AGBL1: variants seen among roughly 807,000 people sequenced by gnomAD.
AGBL1 encodes the protein AGBL carboxypeptidase 1.
A neutral mutation model predicts 118.9 loss-of-function variants in AGBL1; 130 were observed. The observed-to-expected ratio is 1.09, with a 90% CI of 0.95 to 1.26. The LOEUF (loss-of-function observed/expected upper bound fraction) is 1.26, where lower values mean the gene tolerates loss of function less well. Among genes scored for constraint, AGBL1 ranks in the 50% most tolerant of loss-of-function variants. The pLI, the probability that AGBL1 is intolerant of heterozygous loss-of-function variation, is 0.00. For synonymous variants in AGBL1, 555 were observed against 478.9 expected (o/e 1.16, Z -2.08); for missense variants, 1,584 against 1,298.1 (o/e 1.22, Z -3.38).
chr15:86,705,612 A>T (rs2086436142), intron 22 of AGBL1, among the ~76,000 whole-genome samples: 1 of 152,164 alleles, frequency 6.6e-6, no homozygotes, highest in Admixed American at 6.5e-5. Flanking sequence ...GCTAGTGGTT[A>T]TGGGGATGTA....
intron 18 of AGBL1, among the ~76,000 whole-genome samples, chr15:86,511,927 T>C (rs373131959): frequency 6.6e-6 from 1 of 152,040 alleles, no homozygotes; most frequent in South Asian, 2.1e-4. Flanking sequence ...TATAAATAAA[T>C]GTAGAGAATA....
chr15:86,671,679 CACA>C (rs769440983), intron 21 of AGBL1, among the ~76,000 whole-genome samples: 7 of 152,108 alleles, frequency 4.6e-5, no homozygotes, highest in Admixed American at 3.9e-4. Flanking sequence ...TTTTAATGCT[CACA>C]ACATTTGACA....
intron 22 of AGBL1, among the ~76,000 whole-genome samples, chr15:86,740,809 A>G (rs1227346702): frequency 6.6e-6 from 1 of 152,194 alleles, no homozygotes; most frequent in Non-Finnish European, 1.5e-5. Flanking sequence ...TTTTAATACA[A>G]TGATAAGGTA....
In AGBL1 at chr15:86,553,611, T is replaced by G. The variant is rs8035798; in HGVS notation, c.2818-750T>G. Among the ~76,000 whole-genome samples, 1,355 of 152,280 alleles carry G rather than the reference T, an allele frequency of 8.9e-3. 21 individuals are homozygous for G. Among genetic ancestry groups the G allele is most frequent in the African/African-American group, 0.03 (1,264 of 41,540 alleles). ...ATCATCACTGGCCCCTTTGGCCTTG[T>G]GAAATAAGTGAACAGTCCCTAGTCT... On this transcript the variant is annotated intron_variant, in intron 20 of 22. Coordinates refer to ENST00000614907, the MANE Select transcript of AGBL1 (RefSeq NM_001386094.1).
At chr15:86,121,145 G>A (rs1003482807) in intron 1 of AGBL1, among the ~76,000 whole-genome samples, 4 of 152,110 alleles carry the variant, frequency 2.6e-5, no homozygotes, top group Admixed American at 6.6e-5. Context: ...TGATCTGCCC[G>A]CCTCAATCTC....
At position 86,854,964 on chromosome 15, in the gene AGBL1, A is replaced by AC. The variant is rs529497875; in HGVS notation, c.3159-52116dup. ...ATCTTATATAGTTGTGATTTGCTACACCCCCCCACTGGTCCTAGTTTAGTG... is the reference window on the plus strand; with the variant it reads ...ATCTTATATAGTTGTGATTTGCTACACCCCCCCCACTGGTCCTAGTTTAGTG... On this transcript the variant is annotated intron_variant, in intron 22 of 22. Transcript: ENST00000614907. Among the ~76,000 whole-genome samples the AC allele has an allele frequency of 8.6e-5, 13 of 151,884 alleles. No individual in the cohort carries two copies. The East Asian group carries it at 1.7e-3, about 20-fold the overall frequency.
intron 22 of AGBL1, among the ~76,000 whole-genome samples, chr15:86,817,350 C>T (rs1030152124): frequency 6.7e-6 from 1 of 150,004 alleles, no homozygotes; most frequent in African/African-American, 2.5e-5. Flanking sequence ...TCTAAATGCT[C>T]ATCACATTTG....
intron 17 of AGBL1, among the ~76,000 whole-genome samples, chr15:86,306,599 A>G (rs1271419409): frequency 6.6e-6 from 1 of 152,152 alleles, no homozygotes; most frequent in Non-Finnish European, 1.5e-5. Context: ...GATCTTAGCT[A>G]TTGTAAAAAC....
intron 24 of AGBL1, chr15:87,028,787 C>T (rs2081759254): frequency 6.3e-7 from 1 of 1,591,558 alleles, no homozygotes; most frequent in Non-Finnish European, 8.6e-7. Flanking sequence ...TACACGGCTT[C>T]AAGCATAGTA....
chr15:86,228,674 T>C (rs920736177), intron 6 of AGBL1, among the ~76,000 whole-genome samples: 3 of 152,194 alleles, frequency 2.0e-5, no homozygotes, highest in Non-Finnish European at 4.4e-5. Flanking sequence ...AAGGGAAAGA[T>C]CACCTGCATT....
rs1026148021 is a variant in AGBL1, at chr15:86,915,338, C to T, written c.*8044C>T. ...CATGGTCTTAAGGATAAAATGCAGA[C>T]AGGACCTAGTGCTTGAGCCTTTTCA... On this transcript the variant is annotated 3_prime_UTR_variant, in exon 23 of 23. Transcript: ENST00000614907. The T allele has an allele frequency of 1.3e-5, 2 of 152,198 alleles. No individual in the cohort carries two copies. The highest frequency in any genetic ancestry group is 2.9e-5 in the Non-Finnish European group (2 of 68,038). 9.4% of individuals were successfully genotyped at this position (152,198 alleles called of 1,614,324 possible).
At chr15:86,548,959 A>G (rs1310539977) in intron 20 of AGBL1, among the ~76,000 whole-genome samples, 6 of 152,118 alleles carry the variant, frequency 3.9e-5, no homozygotes, top group Non-Finnish European at 8.8e-5. Flanking sequence ...TGGTGAGAAC[A>G]GAGCCAGGAA....
rs1426445441 is a variant in AGBL1, at chr15:86,532,972, A to G, written c.2685+10033A>G. On this transcript the variant is annotated intron_variant, in intron 19 of 22. Coordinates refer to ENST00000614907, the MANE Select transcript of AGBL1 (RefSeq NM_001386094.1). Reference sequence around the variant, plus strand: ...TACAAAAATCAATTCAAGATGGATTAAAGATTTAAACGTTAGACCTAAAAC... The same window carrying G: ...TACAAAAATCAATTCAAGATGGATTGAAGATTTAAACGTTAGACCTAAAAC... Among the ~76,000 whole-genome samples, 286 of 103,116 alleles carry G rather than the reference A, an allele frequency of 2.8e-3. 4 individuals carry two copies. Among genetic ancestry groups the G allele is most frequent in the African/African-American group, 0.01 (213 of 20,990 alleles). 67.6% of individuals were successfully genotyped at this position (103,116 alleles called of 152,430 possible).
intron 20 of AGBL1, among the ~76,000 whole-genome samples, chr15:86,547,957 A>G (rs1485637513): frequency 6.6e-6 from 1 of 152,130 alleles, no homozygotes; most frequent in Non-Finnish European, 1.5e-5. Context: ...TTGGGGTCCC[A>G]CATAGTATAT....
chr15:86,120,735 G>A (rs1302523307), intron 1 of AGBL1, among the ~76,000 whole-genome samples: 1 of 152,122 alleles, frequency 6.6e-6, no homozygotes, highest in Non-Finnish European at 1.5e-5. Context: ...GCAAAAATGA[G>A]TAAAATATAA....
chr15:86,523,092 G>T (rs1158860094), intron 19 of AGBL1, 153 bp downstream of exon 19: 2 of 898,192 alleles, frequency 2.2e-6, no homozygotes, highest in Admixed American at 2.3e-5. Context: ...GACTTCCTGG[G>T]CTGCTGTACC....
At chr15:86,582,930 G>A (rs2084191653) in intron 21 of AGBL1, among the ~76,000 whole-genome samples, 1 of 151,692 alleles carries the variant, frequency 6.6e-6, no homozygotes. Context: ...GTTAATGGGT[G>A]CAGCACACCA....
intron 17 of AGBL1, among the ~76,000 whole-genome samples, chr15:86,303,466 G>A (rs548280381): frequency 6.6e-6 from 1 of 152,204 alleles, no homozygotes; most frequent in South Asian, 2.1e-4. Context: ...TTTGGTTGGT[G>A]GGTGGATAGT....
intron 22 of AGBL1, among the ~76,000 whole-genome samples, chr15:86,775,064 A>G (rs991502687): frequency 2.0e-5 from 3 of 152,206 alleles, no homozygotes; most frequent in African/African-American, 7.2e-5. Flanking sequence ...CTTTGGGAAC[A>G]CAGTGGTGTT....
Sources: allele counts gnomAD v4.1 joint callset (sites outside exome capture counted in the v4.1 genomes callset), GRCh38; gene constraint gnomAD v4.1.1; transcripts MANE v1.5; gene names NCBI Gene and HGNC (gene_info 2026-07-23, HGNC 2026-07-21).